TMC1: variants seen among roughly 807,000 people sequenced by gnomAD.
TMC1 encodes transmembrane channel-like protein 1.
Under a neutral mutation model 105.8 loss-of-function variants are expected in TMC1, and 84 were observed. The ratio of observed to expected loss-of-function variants is 0.79; its 90% CI spans 0.67 to 0.95. The LOEUF (loss-of-function observed/expected upper bound fraction) is 0.95, where lower values mean the gene tolerates loss of function less well. Among genes scored for constraint, TMC1 ranks in the 40% least tolerant of loss-of-function variants. The probability of loss-of-function intolerance (pLI) is 0.00; values close to 1 mark genes in which losing one functional copy is unlikely to be tolerated. For missense variants in TMC1, 817 were observed against 914.1 expected (o/e 0.89, Z 1.37); for synonymous variants, 315 against 311.5 (o/e 1.01, Z -0.12).
At chr9:72,737,172 G>A (rs1282180477) in intron 8 of TMC1, among the ~76,000 whole-genome samples, 3 of 152,052 alleles carry the variant, frequency 2.0e-5, no homozygotes, top group Non-Finnish European at 4.4e-5. Flanking sequence ...TACGCTGCTT[G>A]GTTTAGCTGG....
At chr9:72,547,269 A>G (rs35364868) in intron 1 of TMC1, among the ~76,000 whole-genome samples, 2,987 of 148,076 alleles carry the variant, frequency 0.02, 47 homozygotes, top group Non-Finnish European at 0.03. Context: ...CCTGGGCAAC[A>G]GAGCGAGACT....
At chr9:72,536,770 G>C (rs962456305) in intron 1 of TMC1, among the ~76,000 whole-genome samples, 5 of 152,202 alleles carry the variant, frequency 3.3e-5, no homozygotes, top group Non-Finnish European at 7.3e-5. Flanking sequence ...CCACGTGACT[G>C]CTCTCACAGA....
intron 18 of TMC1, among the ~76,000 whole-genome samples, chr9:72,810,878 T>C (rs1283784942): frequency 2.0e-5 from 3 of 152,212 alleles, no homozygotes; most frequent in Non-Finnish European, 4.4e-5. Flanking sequence ...AGATAAATCA[T>C]AGTGGATGTA....
chr9:72,532,830 T>C (rs1335273497), intron 1 of TMC1, among the ~76,000 whole-genome samples: 1 of 152,174 alleles, frequency 6.6e-6, no homozygotes, highest in Non-Finnish European at 1.5e-5. Flanking sequence ...AGCTTGCTGA[T>C]GAGACTAAAT....
chr9:72,544,799 T>TA (rs1554710230), intron 1 of TMC1, among the ~76,000 whole-genome samples: 2 of 150,566 alleles, frequency 1.3e-5, no homozygotes, highest in Non-Finnish European at 3.0e-5. Context: ...TTTTTTTTTT[T>TA]AATTTCAATA....
intron 7 of TMC1, among the ~76,000 whole-genome samples, chr9:72,697,128 C>T (rs147386915): frequency 3.3e-5 from 5 of 152,170 alleles, no homozygotes; most frequent in South Asian, 4.1e-4. Flanking sequence ...CAGGAATAAA[C>T]GTCTTTCCAT....
chr9:72,637,615 A>AG (rs1825556985), intron 4 of TMC1, among the ~76,000 whole-genome samples: 1 of 152,234 alleles, frequency 6.6e-6, no homozygotes, highest in Non-Finnish European at 1.5e-5. Context: ...CCTATTTCCC[A>AG]GAGACCACAA....
chr9:72,754,173 C>G (rs1827634584), intron 11 of TMC1, among the ~76,000 whole-genome samples: 1 of 152,080 alleles, frequency 6.6e-6, no homozygotes, highest in Non-Finnish European at 1.5e-5. Flanking sequence ...CTATTCTTGC[C>G]CTCTCACTGG....
chr9:72,575,045 TC>T (rs1395318779), intron 1 of TMC1, among the ~76,000 whole-genome samples: 2 of 152,186 alleles, frequency 1.3e-5, no homozygotes, highest in East Asian at 1.9e-4. Context: ...TGTCATGCTT[TC>T]CCTCCCAGCC....
At chr9:72,542,196 C>G (rs111260731) in intron 1 of TMC1, among the ~76,000 whole-genome samples, 1 of 152,066 alleles carries the variant, frequency 6.6e-6, no homozygotes, top group African/African-American at 2.4e-5. Flanking sequence ...CGCGGTGGCT[C>G]GTGCCTGTAA....
At chr9:72,701,271 A>G (rs17058092) in intron 8 of TMC1, among the ~76,000 whole-genome samples, 1,675 of 152,266 alleles carry the variant, frequency 0.011, 22 homozygotes, top group African/African-American at 0.038. Flanking sequence ...CAGTGACCCA[A>G]TTTCAGTCTT....
At chr9:72,593,714 A>T (rs57536148) in intron 2 of TMC1, among the ~76,000 whole-genome samples, 1,603 of 145,290 alleles carry the variant, frequency 0.011, 30 homozygotes, top group African/African-American at 0.033. Context: ...TTTCTATTTT[A>T]AAAAAAAAAA....
intron 5 of TMC1, among the ~76,000 whole-genome samples, chr9:72,665,321 A>G (rs1355682009): frequency 6.6e-6 from 1 of 152,164 alleles, no homozygotes; most frequent in Non-Finnish European, 1.5e-5. Flanking sequence ...AAGAAGAGAT[A>G]TTTCTAGTCT....
chr9:72,704,382 A>G (rs1165588688), intron 8 of TMC1, among the ~76,000 whole-genome samples: 3 of 152,226 alleles, frequency 2.0e-5, no homozygotes, highest in African/African-American at 7.2e-5. Context: ...TATATTTTAG[A>G]GTAAGCCTCA....
chr9:72,602,738 A>C (rs929950841), intron 2 of TMC1, among the ~76,000 whole-genome samples: 1 of 152,120 alleles, frequency 6.6e-6, no homozygotes, highest in Non-Finnish European at 1.5e-5. Context: ...AACCCTGAGA[A>C]CATTTTGTTG....
At chr9:72,552,535 C>A (rs970207659) in intron 1 of TMC1, among the ~76,000 whole-genome samples, 4 of 152,114 alleles carry the variant, frequency 2.6e-5, no homozygotes, top group African/African-American at 9.7e-5. Context: ...CTTATTTGCA[C>A]CTTGGACTTT....
chr9:72,756,720 G>T (rs866183691), intron 12 of TMC1, among the ~76,000 whole-genome samples: 2 of 152,098 alleles, frequency 1.3e-5, no homozygotes, highest in South Asian at 2.1e-4. Context: ...TGAACAAAAG[G>T]TCTTTTGATT....
chr9:72,619,740 G>A (rs1045258444), intron 3 of TMC1, among the ~76,000 whole-genome samples: 1 of 151,684 alleles, frequency 6.6e-6, no homozygotes, highest in Non-Finnish European at 1.5e-5. Context: ...TTAGGTTATA[G>A]ACAATGCTTG....
At chr9:72,718,185 C>T (rs1826955817) in intron 8 of TMC1, among the ~76,000 whole-genome samples, 1 of 152,052 alleles carries the variant, frequency 6.6e-6, no homozygotes, top group South Asian at 2.1e-4. Context: ...ACTCGACCTT[C>T]TGAATTTTTT....
Sources: gnomAD v4.1 joint callset for allele counts (sites outside exome capture counted in the v4.1 genomes callset) on GRCh38, gnomAD v4.1.1 for gene constraint, MANE v1.5 for transcripts, NCBI Gene and HGNC (gene_info 2026-07-23, HGNC 2026-07-21) for gene names.